GHDC: variants seen among roughly 807,000 people sequenced by gnomAD.
The protein encoded by GHDC is GH3 domain containing.
Under a neutral mutation model 51.5 loss-of-function variants are expected in GHDC, and 39 were observed. That is an observed-to-expected ratio of 0.76 (90% CI 0.59 to 0.99). The LOEUF (loss-of-function observed/expected upper bound fraction) is 0.99, where lower values mean the gene tolerates loss of function less well. Ranked by LOEUF, GHDC falls within the 50% of genes least tolerant of loss-of-function variation. The probability of loss-of-function intolerance (pLI) is 0.00; values close to 1 mark genes in which losing one functional copy is unlikely to be tolerated. For missense variants in GHDC, 610 were observed against 672.8 expected (o/e 0.91, Z 1.03); for synonymous variants, 282 against 305.2 (o/e 0.92, Z 0.79).
At position 42,191,130 on chromosome 17, in the gene GHDC, G is replaced by A. The variant is rs1432904828; in HGVS notation, c.970C>T (p.Leu324Phe). The A allele has an allele frequency of 1.3e-6, 2 of 1,557,918 alleles. No individual in the cohort carries two copies. The highest frequency in any genetic ancestry group is 2.3e-5 in the East Asian group (1 of 43,590). ...TCCTGGGTGCCTTCCTTGACTGGGA[G>A]CAGCTCGATAAAGGGGGCCCCAGGG... ...LPPGAPFIEL[L>F]PVKEGTQEEA... Residue 324 changes from leucine (L) to phenylalanine (F), a missense_variant, in exon 6 of 10, where the codon CTC (leucine) becomes TTC (phenylalanine). This residue lies in a region of GHDC where 412 missense variants were observed against 410.4 expected (regional missense o/e 1.00). Transcript: ENST00000587427.
intron 8 of GHDC, 43 bp from the exon 9 acceptor site, chr17:42,190,313 G>A (rs1450948871): frequency 6.2e-7 from 1 of 1,614,154 alleles, no homozygotes; most frequent in Admixed American, 1.7e-5. Context: ...CGGTGAATGG[G>A]CAGCTGCCAA....
In GHDC at chr17:42,190,689, C is replaced by CG. The variant is rs747828463; in HGVS notation, c.1222dup (p.Arg408ProfsTer166). On this transcript the variant is annotated frameshift_variant, in exon 8 of 10. Transcript: ENST00000587427. LOFTEE classifies it high-confidence loss of function. ...GGCCCCCGCCCACTGCCCCACTGCC[C>CG]GGCCCAGGGCCTCAGAGAACAGGTC... is the stretch of plus-strand genomic sequence containing the variant. 6.2e-7 allele frequency: 1 copy of CG among 1,613,950 alleles called. No homozygotes were observed. Among genetic ancestry groups the CG allele is most frequent in the South Asian group, 1.1e-5 (1 of 91,076 alleles).
chr17:42,190,167 T>TGTCCTCAGACCCC lies in GHDC; in HGVS notation c.1374+17_1374+18insGGGGTCTGAGGAC. ...AGTGAAGGGGTCTACAGTCAGACCC[T>TGTCCTCAGACCCC]GTCCTCGTCTCCTTTACCTTGTCTC... is the stretch of plus-strand genomic sequence containing the variant. On this transcript the variant is annotated intron_variant, in intron 9 of 9. Coordinates refer to ENST00000587427, the MANE Select transcript of GHDC (RefSeq NM_032484.5). 1.2e-6 allele frequency: 2 copies of TGTCCTCAGACCCC among 1,609,240 alleles called. No homozygotes were observed. Among genetic ancestry groups the TGTCCTCAGACCCC allele is most frequent in the Non-Finnish European group, 1.7e-6 (2 of 1,177,274 alleles).
Position 42,189,309 on chromosome 17 carries a change from T to C in GHDC, c.*394A>G, listed in dbSNP as rs2079948521. ...AATGAAGCTGAGGTCCTGCTCCTTA[T>C]TGACTCAGGGTTGCTGCTCCTGGGG... is the stretch of plus-strand genomic sequence containing the variant. On this transcript the variant is annotated 3_prime_UTR_variant, in exon 10 of 10. Transcript: ENST00000587427. 2 of 394,832 alleles carry C rather than the reference T, an allele frequency of 5.1e-6. No individual in the cohort carries two copies. Among genetic ancestry groups the C allele is most frequent in the Non-Finnish European group, 8.9e-6 (2 of 224,280 alleles). The allele number at this position is 394,832 out of a possible 1,614,324, so 24.5% of individuals were successfully genotyped here.
intron 5 of GHDC, 118 bp downstream of exon 5, chr17:42,192,123 A>C (rs2079973121): frequency 1.5e-6 from 2 of 1,308,818 alleles, no homozygotes; most frequent in Middle Eastern, 4.1e-4. Context: ...TGCTGGCCCT[A>C]GCATGCAGCT....
At chr17:42,190,973 C>T (rs761809838) in intron 6 of GHDC, 45 bp downstream of exon 6, 30 of 1,568,958 alleles carry the variant, frequency 1.9e-5, no homozygotes, top group East Asian at 1.1e-4. Context: ...GCCCCCAGCA[C>T]GGTCCCATAG....
At chr17:42,193,895 GGGGTGGGCC>G (rs2079989363) in intron 1 of GHDC, 45 bp from the exon 2 acceptor site, 1 of 376,728 alleles carries the variant, frequency 2.7e-6, no homozygotes, top group Non-Finnish European at 4.8e-6. Context: ...TCAGAAGGTA[GGGGTGGGCC>G]GGGTGAGGTG....
intron 4 of GHDC, 72 bp downstream of exon 4, chr17:42,192,834 T>A: frequency 6.3e-7 from 1 of 1,575,816 alleles, no homozygotes; most frequent in Non-Finnish European, 8.6e-7. Context: ...ACTGGAGGGT[T>A]TGGCTGCAAG....
At chr17:42,192,815 C>A in intron 4 of GHDC, 73 bp from the exon 5 acceptor site, 2 of 1,553,464 alleles carry the variant, frequency 1.3e-6, no homozygotes, top group Non-Finnish European at 1.7e-6. Context: ...GGGTTCTTTG[C>A]CCACCATGAC....
chr17:42,193,290 C>A, intron 3 of GHDC, 27 bp downstream of exon 3: 1 of 1,554,862 alleles, frequency 6.4e-7, no homozygotes, highest in South Asian at 1.2e-5. Flanking sequence ...CTCTTTGGGT[C>A]ACCTCCCCAG....
At position 42,190,660 on chromosome 17, in the gene GHDC, G is replaced by A. The variant is rs1450628954; in HGVS notation, c.1252C>T (p.Leu418=). 7.4e-6 allele frequency: 12 copies of A among 1,613,316 alleles called. No individual in the cohort carries two copies. Among genetic ancestry groups the A allele is most frequent in the Non-Finnish European group, 9.3e-6 (11 of 1,179,962 alleles). The change falls in exon 8 of 10, where the codon CTG becomes TTG. Residue 418 remains leucine (L), a synonymous_variant. Transcript: ENST00000587427. The stretch of plus-strand genomic sequence containing the variant: ...CTCTCCACACAGCCATGGTCCAGCA[G>A]CTTGGCCCCCGCCCACTGCCCCACT... ...RAVGQWAGAK[L]LDHGCVESSI... is the part of the protein sequence containing the mutation.
Position 42,193,074 on chromosome 17 carries a change from AAG to A in GHDC, c.266-49_266-48del, listed in dbSNP as rs755725230. 3 of 1,613,678 alleles carry A rather than the reference AAG, an allele frequency of 1.9e-6. No homozygotes were observed. In the African/African-American group the frequency reaches 4.0e-5, roughly 22 times the overall value. On this transcript the variant is annotated intron_variant, in intron 3 of 9. Transcript: ENST00000587427. ...AAACGCCTCAGGAAGCCAGTTTCCC[AAG>A]AGTTTCAGGCAAGACTGGTGAGACC...
At position 42,193,503 on chromosome 17, in the gene GHDC, C is replaced by T. The variant is rs1184254248; in HGVS notation, c.79G>A (p.Ala27Thr). ...ALLRQQRSQD[A>T]RLSWLAGLQH... ...AGGCCAGCAAGCCAGGACAGCCTGG[C>T]ATCCTGGGACCGCTGCTGCCTGAGC... is the stretch of plus-strand genomic sequence containing the variant. Residue 27 changes from alanine to threonine, a missense_variant, in exon 3 of 10, where the codon GCC (alanine) becomes ACC (threonine). Transcript: ENST00000587427. 6.4e-7 allele frequency: 1 copy of T among 1,552,676 alleles called. No individual in the cohort carries two copies. Among genetic ancestry groups the T allele is most frequent in the Non-Finnish European group, 8.7e-7 (1 of 1,148,804 alleles).
In GHDC at chr17:42,192,269, G is replaced by T. The variant is rs199823296; in HGVS notation, c.861C>A (p.Phe287Leu). Residue 287 changes from phenylalanine to leucine, a missense_variant, in exon 5 of 10, where the codon TTC (phenylalanine) becomes TTA (leucine). Phe to Leu is a conservative substitution (Grantham distance 22). Around this residue, in one of 2 missense-constraint regions of GHDC, gnomAD observed 412 missense variants for 410.4 expected, o/e 1.00. Transcript: ENST00000587427. ...CCGAGGCAGCATAAGCAGGAGAGAA[G>T]AAGGCTAGTCCTTGGCACCACAAGG... is the stretch of plus-strand genomic sequence containing the variant. ...LGALWCQGLA[F>L]FSPAYAASGG... 6 of 1,561,244 alleles carry T rather than the reference G, an allele frequency of 3.8e-6. No homozygotes were observed. The Admixed American group carries it at 9.5e-5, about 25-fold the overall frequency.
chr17:42,189,842 T>C lies in GHDC; in HGVS notation c.1454A>G (p.His485Arg). 2.6e-6 allele frequency: 4 copies of C among 1,560,806 alleles called. No homozygotes were observed. Among genetic ancestry groups the C allele is most frequent in the South Asian group, 1.2e-5 (1 of 84,804 alleles). Residue 485 changes from histidine to arginine, a missense_variant, in exon 10 of 10, where the codon CAC becomes CGC. Transcript: ENST00000587427. ...FWGSVGPARVHLVGQGAFRAL... is the reference protein window; with the variant it reads ...FWGSVGPARVRLVGQGAFRAL... ...TCGGAAGGCTCCCTGCCCCACCAGG[T>C]GGACTCTGGCAGGGCCCACGCTGCC...
intron 5 of GHDC, 109 bp from the exon 6 acceptor site, chr17:42,191,319 G>A (rs372667030): frequency 9.2e-7 from 1 of 1,090,156 alleles, no homozygotes; most frequent in Non-Finnish European, 1.2e-6. Flanking sequence ...TGATCCTCCT[G>A]CTGCCCTTCC....
Position 42,192,710 on chromosome 17 carries a change from C to T in GHDC, c.420G>A (p.Lys140=). Residue 140 remains lysine (K), a synonymous_variant, in exon 5 of 10, where the codon AAG becomes AAA. Transcript: ENST00000587427. The part of the protein sequence containing the change: ...ATLLGLAALN[K]AYPEVLAQGR... ...CCTGAGCCAGCACTTCTGGGTAGGC[C>T]TTGTTTAGGGCTGCCAGACCCAGCA... 6.4e-7 allele frequency: 1 copy of T among 1,557,862 alleles called. No individual in the cohort carries two copies. Among genetic ancestry groups the T allele is most frequent in the Non-Finnish European group, 8.7e-7 (1 of 1,153,700 alleles).
rs970588199 is a variant in GHDC at position 42,192,524 on chromosome 17, C to T, written c.606G>A (p.Thr202=). ...AGAAAACATCCAGAAGTTCGACAGC[C>T]GTCCCAGCCTCCAGTGCCCTCAGCC... ...SPGLRALEAG[T]AVELLDVFLG... Residue 202 remains threonine (T), a synonymous_variant, in exon 5 of 10, where the codon ACG becomes ACA. Coordinates refer to ENST00000587427, the MANE Select transcript of GHDC (RefSeq NM_032484.5). 2.5e-6 allele frequency: 4 copies of T among 1,613,758 alleles called. No individual in the cohort carries two copies. The East Asian group carries it at 6.7e-5, about 27-fold the overall frequency.
At chr17:42,190,126 C>A in intron 9 of GHDC, 59 bp downstream of exon 9, 1 of 1,561,764 alleles carries the variant, frequency 6.4e-7, no homozygotes, top group Non-Finnish European at 8.7e-7. Flanking sequence ...CTCCATGGCA[C>A]CCTGGGAGTG....
Sources: gnomAD v4.1 joint callset for allele counts on GRCh38, gnomAD v4.1.1 for gene constraint, gnomAD v4.1.1 regional missense constraint, MANE v1.5 for transcripts, NCBI Gene and HGNC (gene_info 2026-07-23, HGNC 2026-07-21) for gene names.